The following PLEKHA5 variants were observed in gnomAD, a reference collection of about 807,000 sequenced individuals.
PLEKHA5 encodes the protein pleckstrin homology domain containing A5.
A neutral mutation model predicts 181.9 loss-of-function variants in PLEKHA5; 55 were observed. The ratio of observed to expected loss-of-function variants is 0.30; its 90% confidence interval spans 0.24 to 0.38. The LOEUF (loss-of-function observed/expected upper bound fraction) is 0.38. Among genes scored for constraint, PLEKHA5 ranks in the 10% least tolerant of loss-of-function variants. The pLI, the probability that PLEKHA5 is intolerant of heterozygous loss-of-function variation, is 1.00. For synonymous variants in PLEKHA5, 535 were observed against 529.4 expected, an observed-to-expected ratio of 1.01 and a Z score of -0.15; for missense variants, 1,432 against 1,549.5, an observed-to-expected ratio of 0.92 and a Z score of 1.27.
At chr12:19,276,041 A>G (rs1024259940) in intron 11 of PLEKHA5, among the ~76,000 whole-genome samples, 1 of 152,206 alleles carries the variant, frequency 6.6e-6, no homozygotes, top group Non-Finnish European at 1.5e-5. Context: ...AAGGATTCAG[A>G]GTCTAGGAAA....
chr12:19,334,155 T>C (rs370397619), intron 20 of PLEKHA5, among the ~76,000 whole-genome samples: 2 of 152,048 alleles, frequency 1.3e-5, no homozygotes, highest in East Asian at 3.9e-4. Flanking sequence ...TGGGAGGAAA[T>C]GTGTTGTGCC....
chr12:19,279,070 C>A (rs1404438745), intron 11 of PLEKHA5, among the ~76,000 whole-genome samples: 3 of 152,050 alleles, frequency 2.0e-5, no homozygotes, highest in South Asian at 4.1e-4. Flanking sequence ...AAAAGAGGAT[C>A]CCAGTTTCAG....
chr12:19,362,584 CT>C (rs1416134958), intron 29 of PLEKHA5, among the ~76,000 whole-genome samples: 1 of 151,892 alleles, frequency 6.6e-6, no homozygotes, highest in African/African-American at 2.4e-5. Flanking sequence ...TTACACTGTG[CT>C]TAGCACCTAG....
chr12:19,263,438 A>T (rs898454732), intron 7 of PLEKHA5, among the ~76,000 whole-genome samples: 18 of 152,202 alleles, frequency 1.2e-4, no homozygotes, highest in Non-Finnish European at 2.6e-4. Flanking sequence ...GCCCCCACTC[A>T]GATATCCTCT....
chr12:19,251,739 CAAAAAAAAAAAAAA>C (rs374276545), intron 3 of PLEKHA5, among the ~76,000 whole-genome samples: 2 of 65,626 alleles, frequency 3.0e-5, no homozygotes, highest in East Asian at 1.0e-3. Context: ...GAGGCCCATC[CAAAAAAAAAAAAAA>C]AAAAAAAAAA....
chr12:19,367,608 C>T (rs1219674749), intron 30 of PLEKHA5, among the ~76,000 whole-genome samples: 1 of 150,500 alleles, frequency 6.6e-6, no homozygotes, highest in Non-Finnish European at 1.5e-5. Flanking sequence ...GAGATGGAGT[C>T]TTGCTCTGTT....
intron 28 of PLEKHA5, 72 bp downstream of exon 28, chr12:19,359,618 G>A: frequency 7.0e-7 from 1 of 1,426,766 alleles, no homozygotes; most frequent in South Asian, 1.2e-5. Context: ...TGGTAAGGTT[G>A]AAAATAAAGT....
chr12:19,279,721 C>T (rs1321857105), intron 11 of PLEKHA5, among the ~76,000 whole-genome samples: 2 of 151,728 alleles, frequency 1.3e-5, no homozygotes, highest in Non-Finnish European at 2.9e-5. Context: ...CCCCTACTCC[C>T]CTACCCTGCC....
At chr12:19,238,181 A>C (rs560034027) in intron 3 of PLEKHA5, among the ~76,000 whole-genome samples, 1 of 152,176 alleles carries the variant, frequency 6.6e-6, no homozygotes, top group Non-Finnish European at 1.5e-5. Context: ...CTAGATGAGG[A>C]AAACATGATA....
chr12:19,347,189 G>A lies in PLEKHA5; in HGVS notation c.2898+7G>A. On this transcript the variant is annotated splice_region_variant and intron_variant, in intron 24 of 31. Coordinates refer to ENST00000429027, the MANE Select transcript of PLEKHA5 (RefSeq NM_001256470.2). The stretch of plus-strand genomic sequence containing the variant: ...AAGAAATGGATCTCACTGTGTAAGT[G>A]GCTGGAATAGCCACAGAATAATCAA... 1 of 1,492,094 alleles carries A rather than the reference G, an allele frequency of 6.7e-7. No homozygotes were observed. Among genetic ancestry groups the A allele is most frequent in the East Asian group, 2.5e-5 (1 of 40,414 alleles). The allele number at this position is 1,492,094 out of a possible 1,614,324, so 92.4% of individuals were successfully genotyped here.
intron 6 of PLEKHA5, among the ~76,000 whole-genome samples, chr12:19,258,757 G>T (rs1013078899): frequency 3.3e-5 from 5 of 151,774 alleles, no homozygotes; most frequent in African/African-American, 1.2e-4. Flanking sequence ...GTAGAGACGG[G>T]TTTTCACCAC....
chr12:19,330,944 A>C (rs992604373), intron 20 of PLEKHA5, among the ~76,000 whole-genome samples: 7 of 152,196 alleles, frequency 4.6e-5, no homozygotes, highest in African/African-American at 1.4e-4. Flanking sequence ...ATTACACTAC[A>C]TCTATTGCCT....
At chr12:19,206,258 G>A (rs1388693) in intron 3 of PLEKHA5, among the ~76,000 whole-genome samples, 84,699 of 151,544 alleles carry the variant, frequency 0.56, 27,711 homozygotes, top group Non-Finnish European at 0.75. Context: ...ATTTTTATGC[G>A]TTTTCTCCAT....
chr12:19,150,127 T>C (rs561505785), intron 3 of PLEKHA5: 1 of 152,384 alleles, frequency 6.6e-6, no homozygotes, highest in African/African-American at 2.4e-5. Flanking sequence ...GCTGATCATA[T>C]ATGTACTCCT....
chr12:19,328,407 C>T (rs1320595694), intron 20 of PLEKHA5, among the ~76,000 whole-genome samples: 1 of 152,100 alleles, frequency 6.6e-6, no homozygotes, highest in Non-Finnish European at 1.5e-5. Flanking sequence ...TTGCTTTGGG[C>T]AGTATGACCA....
intron 15 of PLEKHA5, among the ~76,000 whole-genome samples, chr12:19,313,829 A>G (rs892192376): frequency 2.0e-5 from 3 of 152,156 alleles, no homozygotes; most frequent in Non-Finnish European, 4.4e-5. Flanking sequence ...ATTGTCTAGA[A>G]AAAGAGTTTT....
chr12:19,308,025 T>G (rs1250301990), intron 15 of PLEKHA5, among the ~76,000 whole-genome samples: 1 of 149,636 alleles, frequency 6.7e-6, no homozygotes, highest in African/African-American at 2.5e-5. Context: ...GGAAAGAAAA[T>G]CAGAGAGTGA....
chr12:19,132,950 C>A (rs949742669), intron 3 of PLEKHA5, among the ~76,000 whole-genome samples: 4 of 134,558 alleles, frequency 3.0e-5, no homozygotes, highest in South Asian at 2.3e-4. Flanking sequence ...TTTTAGTGAA[C>A]CTTGTTCATG....
intron 3 of PLEKHA5, chr12:19,147,254 C>T (rs1202033775): frequency 2.0e-5 from 3 of 152,088 alleles, no homozygotes; most frequent in Non-Finnish European, 2.9e-5. Flanking sequence ...TAATAATATA[C>T]GTATTTCTTT....
Sources: allele counts gnomAD v4.1 joint callset (sites outside exome capture counted in the v4.1 genomes callset), GRCh38; gene constraint gnomAD v4.1.1; transcripts MANE v1.5; gene names NCBI Gene and HGNC (gene_info 2026-07-23, HGNC 2026-07-21).